CALN1: variants seen among roughly 807,000 people sequenced by gnomAD.
CALN1 encodes calneuron 1.
CALN1 carries 17 observed loss-of-function variants against 30.6 expected under a neutral mutation model. That is an observed-to-expected ratio of 0.56 (90% CI 0.38 to 0.83). The LOEUF (loss-of-function observed/expected upper bound fraction) is 0.83. Ranked by LOEUF, CALN1 falls within the 40% of genes least tolerant of loss-of-function variation. The pLI, the probability that CALN1 is intolerant of heterozygous loss-of-function variation, is 0.00. For missense variants in CALN1, 291 were observed against 354.9 expected (o/e 0.82, Z 1.45); for synonymous variants, 156 against 131.4 (o/e 1.19, Z -1.28).
At chr7:72,357,554 T>A (rs1460402747) in intron 2 of CALN1, among the ~76,000 whole-genome samples, 3 of 151,848 alleles carry the variant, frequency 2.0e-5, no homozygotes, top group South Asian at 2.1e-4. Context: ...ACCATGAGCA[T>A]CATGAATGAG....
chr7:72,334,529 C>T (rs1044205929), intron 2 of CALN1, among the ~76,000 whole-genome samples: 1 of 152,252 alleles, frequency 6.6e-6, no homozygotes, highest in African/African-American at 2.4e-5. Context: ...TGTACCCCCC[C>T]TCCCCTTACA....
intron 4 of CALN1, among the ~76,000 whole-genome samples, chr7:72,055,419 G>T (rs1019078024): frequency 6.6e-6 from 1 of 152,116 alleles, no homozygotes; most frequent in African/African-American, 2.4e-5. Context: ...CATAAATATG[G>T]TAATAGGGGT....
chr7:72,420,922 T>A (rs4719236), intron 1 of CALN1, among the ~76,000 whole-genome samples: 7,634 of 152,098 alleles, frequency 0.05, 454 homozygotes, highest in East Asian at 0.26. Context: ...CCGGGATGCA[T>A]CTTAAACATG....
intron 5 of CALN1, among the ~76,000 whole-genome samples, chr7:71,904,770 C>T (rs1212589497): frequency 6.6e-6 from 1 of 152,084 alleles, no homozygotes; most frequent in African/African-American, 2.4e-5. Context: ...CCACAATGTA[C>T]GTATACTTCA....
chr7:72,315,545 A>G (rs1056188376), intron 2 of CALN1, among the ~76,000 whole-genome samples: 2 of 151,994 alleles, frequency 1.3e-5, no homozygotes, highest in Non-Finnish European at 2.9e-5. Flanking sequence ...TGTCTCTACA[A>G]AAATAAAAAA....
At chr7:72,433,881 G>A (rs1808057511) in intron 1 of CALN1, among the ~76,000 whole-genome samples, 1 of 150,808 alleles carries the variant, frequency 6.6e-6, no homozygotes, top group African/African-American at 2.4e-5. Flanking sequence ...ACATAACAAG[G>A]CCCCATTTCT....
intron 2 of CALN1, among the ~76,000 whole-genome samples, chr7:72,279,722 T>C (rs565394260): frequency 6.6e-6 from 1 of 152,240 alleles, no homozygotes; most frequent in Admixed American, 6.5e-5. Context: ...GATGGGAAGA[T>C]TATCTTCTCC....
At chr7:71,993,361 G>C (rs1362827894) in intron 5 of CALN1, among the ~76,000 whole-genome samples, 2 of 152,178 alleles carry the variant, frequency 1.3e-5, no homozygotes, top group East Asian at 3.9e-4. Flanking sequence ...AGCTACTTGG[G>C]AGGCTGAGGT....
intron 2 of CALN1, among the ~76,000 whole-genome samples, chr7:72,297,290 A>G (rs1213123047): frequency 6.6e-6 from 1 of 152,048 alleles, no homozygotes; most frequent in Non-Finnish European, 1.5e-5. Flanking sequence ...TTAAAAAATA[A>G]CAACAAAATA....
In CALN1 at chr7:72,389,840, A is replaced by T. The variant is rs369170033; in HGVS notation, c.119+13411T>A. On this transcript the variant is annotated intron_variant, in intron 2 of 6. Coordinates refer to ENST00000395275, the MANE Select transcript of CALN1 (RefSeq NM_031468.4). ...AGGCTGAGGCAGGAGAATCCCTTGA[A>T]CCCGGGAGGCGGAGGTTGCAGTGAG... Among the ~76,000 whole-genome samples, 4 of 151,968 alleles carry T rather than the reference A, an allele frequency of 2.6e-5. No homozygotes were observed. The East Asian group carries it at 5.8e-4, about 22-fold the overall frequency.
intron 5 of CALN1, among the ~76,000 whole-genome samples, chr7:71,943,633 G>A (rs1796250010): frequency 6.6e-6 from 1 of 151,926 alleles, no homozygotes; most frequent in Non-Finnish European, 1.5e-5. Context: ...TAGAGATGGG[G>A]GCTTCACCAT....
the CALN1 span, among the ~76,000 whole-genome samples, chr7:72,501,928 A>AAAAAAAAAAAAAAT: frequency 1.7e-5 from 1 of 57,968 alleles, no homozygotes; most frequent in African/African-American, 9.9e-5. Flanking sequence ...AAAAAAAAAA[A>AAAAAAAAAAAAAAT]ATATATATAT....
At chr7:72,142,232 G>C (rs1397810825) in intron 3 of CALN1, among the ~76,000 whole-genome samples, 1 of 152,198 alleles carries the variant, frequency 6.6e-6, no homozygotes, top group Non-Finnish European at 1.5e-5. Flanking sequence ...GCCAAGGGAA[G>C]AAGGGACAAA....
At chr7:72,366,922 A>T (rs1803909569) in intron 2 of CALN1, among the ~76,000 whole-genome samples, 1 of 152,160 alleles carries the variant, frequency 6.6e-6, no homozygotes, top group Non-Finnish European at 1.5e-5. Context: ...AAACCACACA[A>T]AAGCCCATCA....
intron 4 of CALN1, among the ~76,000 whole-genome samples, chr7:72,054,814 A>C (rs1803143848): frequency 6.6e-6 from 1 of 152,074 alleles, no homozygotes; most frequent in African/African-American, 2.4e-5. Flanking sequence ...GGCTTAGTAC[A>C]TGGGTGACAA....
chr7:72,366,355 T>C (rs1803877448), intron 2 of CALN1, among the ~76,000 whole-genome samples: 2 of 151,958 alleles, frequency 1.3e-5, no homozygotes, highest in Admixed American at 6.6e-5. Flanking sequence ...TTTATATTTT[T>C]AGTAGAGATG....
At chr7:71,989,440 T>TAA (rs5884868) in intron 5 of CALN1, among the ~76,000 whole-genome samples, 4 of 134,994 alleles carry the variant, frequency 3.0e-5, no homozygotes, top group Non-Finnish European at 3.3e-5. Flanking sequence ...TTCCATCTAT[T>TAA]AAAAAAAAAA....
At chr7:72,422,243 C>T (rs555312527) in intron 1 of CALN1, among the ~76,000 whole-genome samples, 13 of 152,290 alleles carry the variant, frequency 8.5e-5, no homozygotes, top group African/African-American at 2.6e-4. Flanking sequence ...TTTACATTCC[C>T]GCCAGCAGTG....
intron 3 of CALN1, among the ~76,000 whole-genome samples, chr7:72,203,978 TC>T (rs1265974560): frequency 2.9e-4 from 30 of 102,914 alleles, no homozygotes; most frequent in African/African-American, 3.7e-4. Context: ...GAGGCCTCTC[TC>T]TTTTTTTTTT....
Sources: allele counts gnomAD v4.1 joint callset (sites outside exome capture counted in the v4.1 genomes callset), GRCh38; gene constraint gnomAD v4.1.1; transcripts MANE v1.5; gene names NCBI Gene and HGNC (gene_info 2026-07-23, HGNC 2026-07-21).